The following RBFOX3 variants were observed in gnomAD, a reference collection of about 807,000 sequenced individuals.
RBFOX3 encodes the protein RNA binding fox-1 homolog 3.
Under a neutral mutation model 48.7 loss-of-function variants are expected in RBFOX3, and 17 were observed. That is an observed-to-expected ratio of 0.35 (90% CI 0.24 to 0.52). The LOEUF is 0.52. Ranked by LOEUF, RBFOX3 falls within the 20% of genes least tolerant of loss-of-function variation. The pLI is 0.94. For missense variants in RBFOX3, 382 were observed against 497.5 expected, an observed-to-expected ratio of 0.77 and a Z score of 2.21; for synonymous variants, 212 against 209.5, an observed-to-expected ratio of 1.01 and a Z score of -0.10.
chr17:79,309,852 C>T (rs960318829), intron 2 of RBFOX3, among the ~76,000 whole-genome samples: 3 of 152,204 alleles, frequency 2.0e-5, no homozygotes, highest in African/African-American at 4.8e-5. Flanking sequence ...ACTTCCCCTT[C>T]GCCTTCCGCC....
At chr17:79,304,928 C>T (rs1210273307) in intron 3 of RBFOX3, among the ~76,000 whole-genome samples, 1 of 152,178 alleles carries the variant, frequency 6.6e-6, no homozygotes, top group East Asian at 1.9e-4. Flanking sequence ...AAATCCCTCA[C>T]CTCCTTCACT....
Position 79,359,567 on chromosome 17 carries a change from T to C in RBFOX3, c.-174-51743A>G, listed in dbSNP as rs144631405. The stretch of plus-strand genomic sequence containing the variant: ...TGCACCCAGACAGGCCAATCACATT[T>C]GAACAATTTAGCAGACACTCCTTGG... On this transcript the variant is annotated intron_variant, in intron 2 of 14. Coordinates refer to ENST00000693108, the MANE Select transcript of RBFOX3 (RefSeq NM_001350451.2). Among the ~76,000 whole-genome samples the C allele has an allele frequency of 4.8e-3, 737 of 152,204 alleles. 2 individuals are homozygous for C. The highest frequency in any genetic ancestry group is 9.9e-3 in the Admixed American group (151 of 15,284).
In RBFOX3 at chr17:79,477,276, AG is replaced by A. The variant is rs1452911012; in HGVS notation, c.-175+5177del. Among the ~76,000 whole-genome samples, 334 of 135,064 alleles carry A rather than the reference AG, an allele frequency of 2.5e-3. 3 individuals are homozygous for A. Among genetic ancestry groups the A allele is most frequent in the African/African-American group, 8.6e-3 (325 of 37,820 alleles). The allele number at this position is 135,064 out of a possible 152,430, so 88.6% of individuals were successfully genotyped here. A position where few individuals can be genotyped will look rare whatever the true frequency, so the allele number is the denominator to read the frequency against. ...ATAAATTAAAAAAAAAAAAAAAAAA[AG>A]AGGGCGCGGTGGCTCACACCTGTAA... On this transcript the variant is annotated intron_variant, in intron 2 of 14. Transcript: ENST00000693108. This position sits in a 1 kb window ranked among gnomAD's most constrained non-coding sequence, Gnocchi z 4.8.
At chr17:79,338,067 T>C (rs1313281164) in intron 2 of RBFOX3, among the ~76,000 whole-genome samples, 1 of 151,720 alleles carries the variant, frequency 6.6e-6, no homozygotes, top group Non-Finnish European at 1.5e-5. Context: ...GCCTCCCGAG[T>C]AGCTAGGATT....
At chr17:79,358,291 AG>A (rs2085602469) in intron 2 of RBFOX3, among the ~76,000 whole-genome samples, 1 of 152,004 alleles carries the variant, frequency 6.6e-6, no homozygotes, top group Non-Finnish European at 1.5e-5. Flanking sequence ...AACAGGCACA[AG>A]GGGGAAGGTA....
chr17:79,347,395 C>T (rs558440797), intron 2 of RBFOX3, among the ~76,000 whole-genome samples: 2 of 152,134 alleles, frequency 1.3e-5, no homozygotes, highest in South Asian at 4.2e-4. Context: ...TCTTTAAATC[C>T]CATTGATTTT....
At chr17:79,154,957 G>A (rs201982356) in intron 4 of RBFOX3, among the ~76,000 whole-genome samples, 48 of 152,102 alleles carry the variant, frequency 3.2e-4, no homozygotes, top group Middle Eastern at 3.4e-3. Flanking sequence ...CTCAGCCCTC[G>A]TCAGGTGGCG....
chr17:79,312,305 C>T (rs928335911), intron 2 of RBFOX3, among the ~76,000 whole-genome samples: 3 of 143,410 alleles, frequency 2.1e-5, no homozygotes, highest in Non-Finnish European at 4.6e-5. Flanking sequence ...AAAAAGAGGG[C>T]GAAGGGAGAT....
intron 1 of RBFOX3, among the ~76,000 whole-genome samples, chr17:79,524,662 G>A (rs990950227): frequency 3.4e-4 from 52 of 152,198 alleles, no homozygotes; most frequent in Middle Eastern, 3.4e-3. Flanking sequence ...GGGCACTGGG[G>A]GTTAGATCCT....
chr17:79,235,014 G>A (rs2061477859), intron 4 of RBFOX3: 1 of 152,120 alleles, frequency 6.6e-6, no homozygotes, highest in African/African-American at 2.4e-5. Context: ...TTACAAGCAT[G>A]AGCCACCAAG....
chr17:79,620,543 A>C, the RBFOX3 span, among the ~76,000 whole-genome samples: 11 of 149,580 alleles, frequency 7.4e-5, no homozygotes, highest in Non-Finnish European at 1.5e-4. Context: ...ACATGCACAC[A>C]CGCATGCACA....
At chr17:79,464,305 G>A (rs555550441) in intron 2 of RBFOX3, among the ~76,000 whole-genome samples, 1 of 152,376 alleles carries the variant, frequency 6.6e-6, no homozygotes, top group Admixed American at 6.5e-5. Flanking sequence ...AGACGTTGGG[G>A]GAAATGTTAG....
chr17:79,341,046 A>C (rs888998236), intron 2 of RBFOX3, among the ~76,000 whole-genome samples: 1 of 152,242 alleles, frequency 6.6e-6, no homozygotes, highest in Non-Finnish European at 1.5e-5. Context: ...TGGTTCCCCA[A>C]AACAGTCATC....
At chr17:79,340,619 G>A (rs953216606) in intron 2 of RBFOX3, among the ~76,000 whole-genome samples, 2 of 152,128 alleles carry the variant, frequency 1.3e-5, no homozygotes, top group African/African-American at 4.8e-5. Flanking sequence ...TGCTTGATGA[G>A]CATGTAATTA....
rs142867163 is a variant in RBFOX3, at chr17:79,308,396, G to A, written c.-174-572C>T. ...CATCAGACCCCATCAGTGTCACCAC[G>A]AGCAGCTGTGAATTCTCCTTCTTGG... On this transcript the variant is annotated intron_variant, in intron 2 of 14. Transcript: ENST00000693108. 1.2e-3 allele frequency among the ~76,000 whole-genome samples: 176 copies of A among 152,294 alleles called. 2 individuals carry two copies. Among genetic ancestry groups the A allele is most frequent in the African/African-American group, 3.9e-3 (162 of 41,572 alleles).
intron 1 of RBFOX3, among the ~76,000 whole-genome samples, chr17:79,510,543 T>C (rs890522692): frequency 3.3e-5 from 5 of 152,164 alleles, no homozygotes; most frequent in African/African-American, 1.2e-4. Context: ...CAGGCATCCA[T>C]TAACATTCCC....
intron 14 of RBFOX3, 74 bp downstream of exon 14, chr17:79,094,376 TC>T (rs1765499213): frequency 9.0e-7 from 1 of 1,110,420 alleles, no homozygotes; most frequent in Non-Finnish European, 1.2e-6. Context: ...GCTCGGCCTC[TC>T]CCCCAAGGGC....
chr17:79,587,771 T>A (rs1156892346), intron 1 of RBFOX3, among the ~76,000 whole-genome samples: 1 of 152,204 alleles, frequency 6.6e-6, no homozygotes, highest in Non-Finnish European at 1.5e-5. Flanking sequence ...GGGGAAAGGC[T>A]GTGGGAGAAT....
chr17:79,163,452 G>A (rs1326009949), intron 4 of RBFOX3, among the ~76,000 whole-genome samples: 2 of 152,240 alleles, frequency 1.3e-5, no homozygotes, highest in Non-Finnish European at 2.9e-5. Context: ...GCATCCGAAT[G>A]TCCTTCTGAC....
Sources: allele counts gnomAD v4.1 joint callset (sites outside exome capture counted in the v4.1 genomes callset), GRCh38; gene constraint gnomAD v4.1.1; non-coding constraint Gnocchi (gnomAD v3.1); transcripts MANE v1.5; gene names NCBI Gene and HGNC (gene_info 2026-07-23, HGNC 2026-07-21).